Variants in PEX2 observed in about 807,000 individuals in gnomAD.
The protein encoded by PEX2 is peroxisomal biogenesis factor 2.
A neutral mutation model predicts 25.2 loss-of-function variants in PEX2; 19 were observed. The ratio of observed to expected loss-of-function variants is 0.75; its 90% confidence interval spans 0.53 to 1.10. The LOEUF (loss-of-function observed/expected upper bound fraction) is 1.10, where lower values mean the gene tolerates loss of function less well. Ranked by LOEUF, PEX2 falls within the 50% of genes least tolerant of loss-of-function variation. The probability of loss-of-function intolerance (pLI) is 0.00; values close to 1 mark genes in which losing one functional copy is unlikely to be tolerated. For synonymous variants in PEX2, 141 were observed against 127.7 expected (o/e 1.10, Z -0.70); for missense variants, 347 against 350.6 (o/e 0.99, Z 0.08).
In PEX2 at chr8:76,993,220, T is replaced by C. The variant is rs528163822; in HGVS notation, c.-159-4882A>G. 6.2e-4 allele frequency among the ~76,000 whole-genome samples: 94 copies of C among 152,286 alleles called. 1 individual carries two copies. The highest frequency in any genetic ancestry group is 1.9e-3 in the African/African-American group (81 of 41,568). On this transcript the variant is annotated intron_variant, in intron 1 of 3. Transcript: ENST00000357039. ...TTGATTCTGTAGGCATGAATAATCA[T>C]TGAAGAGAAGAGACATAATGGGATA...
intron 1 of PEX2, among the ~76,000 whole-genome samples, chr8:76,990,158 T>C (rs1304018889): frequency 2.0e-5 from 3 of 152,236 alleles, no homozygotes; most frequent in Non-Finnish European, 4.4e-5. Context: ...CGAACCAACC[T>C]CTGCTAGCTT....
At chr8:76,986,060 T>C (rs1279338976) in intron 3 of PEX2, 127 bp downstream of exon 3, 1 of 152,150 alleles carries the variant, frequency 6.6e-6, no homozygotes, top group East Asian at 1.9e-4. Flanking sequence ...GTTTAACAAG[T>C]TCAAGTCCAG....
intron 1 of PEX2, among the ~76,000 whole-genome samples, chr8:76,998,829 G>A (rs1177170407): frequency 1.3e-5 from 2 of 152,090 alleles, no homozygotes; most frequent in Non-Finnish European, 2.9e-5. Context: ...TAAAAATAAG[G>A]AGAATACGGC....
chr8:76,987,652 T>TA (rs1433257439), intron 2 of PEX2, among the ~76,000 whole-genome samples: 6 of 152,242 alleles, frequency 3.9e-5, no homozygotes, highest in Admixed American at 3.9e-4. Context: ...AACAGGTTGT[T>TA]AAAATGATCT....
rs761177481 is a variant in PEX2, at chr8:76,983,697, C to T, written c.482G>A (p.Gly161Glu). 59 of 1,613,952 alleles carry T rather than the reference C, an allele frequency of 3.7e-5. No individual in the cohort carries two copies. Among genetic ancestry groups the T allele is most frequent in the Non-Finnish European group, 5.0e-5 (59 of 1,179,996 alleles). ...LINFLIFLQR[G>E]KFATLTERLL... ...ACGTTCTGTCAAAGTTGCAAACTTT[C>T]CCCTCTGAAGGAAAATCAAAAAATT... The change falls in exon 4 of 4, where the codon GGA (glycine) becomes GAA (glutamate). Residue 161 changes from glycine to glutamate, a missense_variant. Gly to Glu is a moderately conservative substitution (Grantham distance 98, BLOSUM62 -2). Transcript: ENST00000357039.
rs376101275 is a variant in PEX2, at chr8:76,983,441, T to G, written c.738A>C (p.Leu246=). 1 of 1,614,188 alleles carries G rather than the reference T, an allele frequency of 6.2e-7. No homozygotes were observed. The highest frequency in any genetic ancestry group is 8.5e-7 in the Non-Finnish European group (1 of 1,180,038). The change falls in exon 4 of 4, where the codon CTA becomes CTC. Residue 246 remains leucine (L), a synonymous_variant. Transcript: ENST00000357039. ...TLATSGKECA[L]CGEWPTMPHT... Reference sequence around the variant, plus strand: ...GAGGCATGGTGGGCCACTCTCCACATAGAGCGCATTCTTTGCCACTGGTGG... The same window carrying G: ...GAGGCATGGTGGGCCACTCTCCACAGAGAGCGCATTCTTTGCCACTGGTGG...
chr8:76,985,587 T>C (rs1806978970), intron 3 of PEX2, among the ~76,000 whole-genome samples: 1 of 152,118 alleles, frequency 6.6e-6, no homozygotes, highest in Non-Finnish European at 1.5e-5. Context: ...ATATATACCA[T>C]TTTTACTTGC....
intron 1 of PEX2, among the ~76,000 whole-genome samples, chr8:76,990,057 G>C (rs4735671): frequency 0.23 from 34,792 of 152,156 alleles, 4,295 homozygotes; most frequent in East Asian, 0.31. Flanking sequence ...TTTAGCTAAA[G>C]CTTCTGGATA....
chr8:76,989,794 A>G (rs1427818676), intron 1 of PEX2, among the ~76,000 whole-genome samples: 1 of 152,180 alleles, frequency 6.6e-6, no homozygotes, highest in East Asian at 1.9e-4. Context: ...TTTATAAAGT[A>G]CAGGCAGAGT....
rs77113881 is a variant in PEX2 at position 76,990,438 on chromosome 8, T to C, written c.-159-2100A>G. ...TGTTTGGTATAAAAGGTCTACCTTT[T>C]GGCCTGTGTTGGCTTCTGACATGGC... On this transcript the variant is annotated intron_variant, in intron 1 of 3. Transcript: ENST00000357039. Among the ~76,000 whole-genome samples the C allele has an allele frequency of 5.0e-3, 757 of 152,326 alleles. 4 individuals are homozygous for C. The highest frequency in any genetic ancestry group is 0.017 in the African/African-American group (720 of 41,576).
chr8:76,995,387 T>G (rs1234199640), intron 1 of PEX2, among the ~76,000 whole-genome samples: 1 of 152,166 alleles, frequency 6.6e-6, no homozygotes, highest in Non-Finnish European at 1.5e-5. Flanking sequence ...AGTGGATACA[T>G]GACAAAACAT....
At chr8:76,996,029 T>C (rs938479775) in intron 1 of PEX2, among the ~76,000 whole-genome samples, 2 of 152,096 alleles carry the variant, frequency 1.3e-5, no homozygotes, top group Non-Finnish European at 2.9e-5. Flanking sequence ...CTATTTCCAA[T>C]TGCAAAAGAG....
intron 1 of PEX2, among the ~76,000 whole-genome samples, chr8:76,989,453 CAGA>C (rs1450375883): frequency 6.6e-6 from 1 of 152,082 alleles, no homozygotes; most frequent in African/African-American, 2.4e-5. Context: ...GAATCTTTTC[CAGA>C]AGGTTTTCAA....
chr8:76,998,496 G>A (rs1247816368), intron 1 of PEX2, among the ~76,000 whole-genome samples: 1 of 152,136 alleles, frequency 6.6e-6, no homozygotes, highest in Non-Finnish European at 1.5e-5. Context: ...GGACATATTT[G>A]TAGCTTTTAG....
intron 1 of PEX2, among the ~76,000 whole-genome samples, chr8:76,991,421 G>T (rs1185725919): frequency 6.6e-6 from 1 of 151,938 alleles, no homozygotes; most frequent in Non-Finnish European, 1.5e-5. Context: ...GAACAGCTGG[G>T]TTTGCTCTCC....
chr8:76,999,683 G>C, intron 1 of PEX2: 1 of 366,212 alleles, frequency 2.7e-6, no homozygotes, highest in Admixed American at 3.7e-5. Context: ...ACCGCCAAAT[G>C]AGAGAAAAAG....
chr8:76,993,365 GCTAACAACTT>G (rs1201175074), intron 1 of PEX2, among the ~76,000 whole-genome samples: 6 of 152,154 alleles, frequency 3.9e-5, no homozygotes, highest in African/African-American at 1.4e-4. Flanking sequence ...TACCTATGAT[GCTAACAACTT>G]CCCTGAAAAG....
rs1407170162 is a variant in PEX2 at position 76,983,786 on chromosome 8, T to C, written c.393A>G (p.Ser131=). ...TCACACACTGCTTGACTTTCCCAAA[T>C]GATGCTAAATGATGGTTTCGAAACA... The part of the protein sequence containing the change: ...YDLFRNHHLA[S]FGKVKQCVNF... The change falls in exon 4 of 4, where the codon TCA becomes TCG. Residue 131 remains serine, a synonymous_variant. Transcript: ENST00000357039. 1 of 1,614,146 alleles carries C rather than the reference T, an allele frequency of 6.2e-7. No homozygotes were observed. Among genetic ancestry groups the C allele is most frequent in the Non-Finnish European group, 8.5e-7 (1 of 1,180,036 alleles).
intron 1 of PEX2, 166 bp downstream of exon 1, chr8:76,999,824 C>T (rs1224150714): frequency 2.2e-6 from 1 of 456,572 alleles, no homozygotes; most frequent in Admixed American, 2.3e-5. Context: ...CACTGCCTTT[C>T]CCAAAATTCA....
Sources: gnomAD v4.1 joint callset for allele counts (sites outside exome capture counted in the v4.1 genomes callset) on GRCh38, gnomAD v4.1.1 for gene constraint, MANE v1.5 for transcripts, NCBI Gene and HGNC (gene_info 2026-07-23, HGNC 2026-07-21) for gene names.